IQSEC1: variants seen among roughly 807,000 people sequenced by gnomAD.
IQSEC1 encodes IQ motif and Sec7 domain ArfGEF 1.
Under a neutral mutation model 91.0 loss-of-function variants are expected in IQSEC1, and 31 were observed. The observed-to-expected ratio is 0.34, with a 90% CI of 0.26 to 0.46. The LOEUF (loss-of-function observed/expected upper bound fraction) is 0.46. Among genes scored for constraint, IQSEC1 ranks in the 20% least tolerant of loss-of-function variants. The pLI, the probability that IQSEC1 is intolerant of heterozygous loss-of-function variation, is 1.00. For missense variants in IQSEC1, 1,388 were observed against 1,575.6 expected (o/e 0.88, Z 2.02); for synonymous variants, 699 against 662.6 (o/e 1.05, Z -0.84).
intron 1 of IQSEC1, among the ~76,000 whole-genome samples, chr3:13,254,304 G>T (rs1165328079): frequency 6.6e-6 from 1 of 152,166 alleles, no homozygotes; most frequent in Non-Finnish European, 1.5e-5. Context: ...CTGAGGCCTC[G>T]CTGGCCAGGA....
intron 1 of IQSEC1, among the ~76,000 whole-genome samples, chr3:13,242,281 C>T (rs938860057): frequency 1.3e-5 from 2 of 152,138 alleles, no homozygotes; most frequent in African/African-American, 4.8e-5. Flanking sequence ...GAAGTCCTGG[C>T]CTACAGAATA....
At chr3:12,915,488 C>A in intron 7 of IQSEC1, 106 bp downstream of exon 7, 1 of 1,280,172 alleles carries the variant, frequency 7.8e-7, no homozygotes, top group Non-Finnish European at 1.1e-6. Flanking sequence ...ACCAGCCCTG[C>A]TGGAAGAGAC....
At chr3:13,031,754 C>A (rs1703850552) in intron 1 of IQSEC1, among the ~76,000 whole-genome samples, 1 of 152,032 alleles carries the variant, frequency 6.6e-6, no homozygotes, top group African/African-American at 2.4e-5. Context: ...ACAAAGAAAA[C>A]AAAACTGAGT....
chr3:13,159,327 G>A lies in IQSEC1; in HGVS notation c.302+4777C>T, dbSNP rs369914624. Among the ~76,000 whole-genome samples the A allele has an allele frequency of 1.4e-4, 22 of 152,262 alleles. 2 individuals carry two copies. Among genetic ancestry groups the A allele is most frequent in the Admixed American group, 7.8e-4 (12 of 15,294 alleles). Reference sequence around the variant, plus strand: ...ACCTGCAATCCCAGCTTCTCGGGAGGCTGAAGCAGGAGAATCGCTTGAACC... The same window carrying A: ...ACCTGCAATCCCAGCTTCTCGGGAGACTGAAGCAGGAGAATCGCTTGAACC... On this transcript the variant is annotated intron_variant, in intron 2 of 15. Transcript: ENST00000648114.
intron 1 of IQSEC1, among the ~76,000 whole-genome samples, chr3:12,956,410 C>T (rs1699908778): frequency 6.6e-6 from 1 of 152,208 alleles, no homozygotes; most frequent in South Asian, 2.1e-4. Flanking sequence ...GGTGGGAACA[C>T]CAAGGCCTTC....
At chr3:12,996,309 G>T (rs1403291846) in intron 1 of IQSEC1, among the ~76,000 whole-genome samples, 1 of 152,212 alleles carries the variant, frequency 6.6e-6, no homozygotes, top group African/African-American at 2.4e-5. Context: ...GGCAGGTGAG[G>T]AAGTGAGAAT....
chr3:12,908,749 G>A lies in IQSEC1; in HGVS notation c.2579-224C>T, dbSNP rs1424502557. 6.6e-6 allele frequency among the ~76,000 whole-genome samples: 1 copy of A among 152,096 alleles called. No homozygotes were observed. The highest frequency in any genetic ancestry group is 1.5e-5 in the Non-Finnish European group (1 of 68,000). On this transcript the variant is annotated intron_variant, in intron 11 of 13. Coordinates refer to ENST00000613206, the MANE Select transcript of IQSEC1 (RefSeq NM_001134382.3). This position sits in a 1 kb window ranked among gnomAD's most constrained non-coding sequence, Gnocchi z 4.9. The stretch of plus-strand genomic sequence containing the variant: ...GACCAGAGGGCCTTGTGACCTGCAG[G>A]AAGGATAGTCACCTTCCAGGCTCGG...
At position 13,103,606 on chromosome 3, in the gene IQSEC1, T is replaced by TG. The variant is rs1447578414; in HGVS notation, c.303-56085dup. 3.9e-5 allele frequency among the ~76,000 whole-genome samples: 6 copies of TG among 151,922 alleles called. No homozygotes were observed. The highest frequency in any genetic ancestry group is 8.8e-5 in the Non-Finnish European group (6 of 67,986). ...CAAGAGCCAGAGCCGAGTGTGCCAT[T>TG]GGGGTGGGCAATTTGCAGGATGAGC... On this transcript the variant is annotated intron_variant, in intron 2 of 15. Transcript: ENST00000648114. This position sits in a 1 kb window ranked among gnomAD's most constrained non-coding sequence, Gnocchi z 4.1.
rs1693944283 is a variant in IQSEC1, at chr3:12,899,093, T to G, written c.*1890A>C. On this transcript the variant is annotated 3_prime_UTR_variant, in exon 14 of 14. Transcript: ENST00000613206. The stretch of plus-strand genomic sequence containing the variant: ...ACTCTAGATTGCTGTATTTGCTCTC[T>G]CTGGAGATTAACAAAGTGCTTGGTT... 2.0e-6 allele frequency: 1 copy of G among 491,722 alleles called. No homozygotes were observed. Among genetic ancestry groups the G allele is most frequent in the Non-Finnish European group, 3.7e-6 (1 of 271,214 alleles). The allele number at this position is 491,722 out of a possible 1,614,324, so 30.5% of individuals were successfully genotyped here.
intron 1 of IQSEC1, among the ~76,000 whole-genome samples, chr3:13,271,790 T>C (rs1035810675): frequency 1.1e-4 from 17 of 152,096 alleles, no homozygotes; most frequent in African/African-American, 4.1e-4. Context: ...GCAAGACCCT[T>C]TCTCAAAAAA....
chr3:13,151,029 A>G (rs1706988684), intron 2 of IQSEC1, among the ~76,000 whole-genome samples: 2 of 152,206 alleles, frequency 1.3e-5, no homozygotes, highest in Admixed American at 6.5e-5. Context: ...CTGCAGCCTC[A>G]GAGATGAAGT....
chr3:13,262,348 TCCCCGTCCCTCTTAGGGTAGGAGCCAGC>T (rs1331349614), intron 1 of IQSEC1, among the ~76,000 whole-genome samples: 1 of 152,202 alleles, frequency 6.6e-6, no homozygotes, highest in African/African-American at 2.4e-5. Context: ...AGCAAGCCTG[TCCCCGTCCCTCTTAGGGTAGGAGCCAGC>T]ACACTGGAGG....
chr3:12,962,449 C>T (rs185343926), intron 1 of IQSEC1, among the ~76,000 whole-genome samples: 28 of 152,324 alleles, frequency 1.8e-4, no homozygotes, highest in Admixed American at 3.9e-4. Flanking sequence ...GAGAACCCTT[C>T]CAGTTTGTGT....
intron 1 of IQSEC1, among the ~76,000 whole-genome samples, chr3:13,178,064 C>A (rs1404903030): frequency 6.6e-6 from 1 of 152,272 alleles, no homozygotes; most frequent in Non-Finnish European, 1.5e-5. Context: ...GATACCTGTT[C>A]TCTTGCATTT....
chr3:13,174,527 C>T (rs923132815), intron 1 of IQSEC1, among the ~76,000 whole-genome samples: 1 of 152,156 alleles, frequency 6.6e-6, no homozygotes, highest in Middle Eastern at 3.2e-3. Context: ...AAACACTGGG[C>T]TGTCATGTCG....
At chr3:13,015,141 ACTT>A (rs150556012) in intron 1 of IQSEC1, among the ~76,000 whole-genome samples, 21 of 152,176 alleles carry the variant, frequency 1.4e-4, no homozygotes, top group African/African-American at 4.8e-4. Flanking sequence ...GCCTCTGAGG[ACTT>A]CTGACTTCTG....
intron 1 of IQSEC1, among the ~76,000 whole-genome samples, chr3:13,189,722 C>T (rs1455654534): frequency 6.6e-6 from 1 of 152,202 alleles, no homozygotes; most frequent in African/African-American, 2.4e-5. Flanking sequence ...TCCTGCCTCG[C>T]CACTCTACCC....
intron 1 of IQSEC1, among the ~76,000 whole-genome samples, chr3:13,223,586 A>T (rs1235672033): frequency 6.6e-6 from 1 of 152,086 alleles, no homozygotes; most frequent in Non-Finnish European, 1.5e-5. Flanking sequence ...GGGCAGGAAA[A>T]ACTGGCCTCC....
At chr3:13,111,155 G>A (rs1706238364) in intron 2 of IQSEC1, among the ~76,000 whole-genome samples, 1 of 152,204 alleles carries the variant, frequency 6.6e-6, no homozygotes, top group African/African-American at 2.4e-5. Flanking sequence ...GTACCATACA[G>A]CTGAGTCTGG....
Sources: gnomAD v4.1 joint callset for allele counts (sites outside exome capture counted in the v4.1 genomes callset) on GRCh38, gnomAD v4.1.1 for gene constraint, Gnocchi (gnomAD v3.1) non-coding constraint, MANE v1.5 for transcripts, NCBI Gene and HGNC (gene_info 2026-07-23, HGNC 2026-07-21) for gene names.